The following MACROD2 variants were observed in gnomAD, a reference collection of about 807,000 sequenced individuals.
The protein encoded by MACROD2 is mono-ADP ribosylhydrolase 2, also known as ADP-ribose glycohydrolase MACROD2.
A neutral mutation model predicts 70.4 loss-of-function variants in MACROD2; 36 were observed. That is an observed-to-expected ratio of 0.51 (90% CI 0.39 to 0.68). MACROD2 has a LOEUF of 0.68. Ranked by LOEUF, MACROD2 falls within the 30% of genes least tolerant of loss-of-function variation. MACROD2 has a pLI of 0.00. For synonymous variants in MACROD2, 172 were observed against 178.8 expected (o/e 0.96, Z 0.30); for missense variants, 496 against 538.4 (o/e 0.92, Z 0.78).
chr20:15,618,938 A>G (rs1319955633), intron 8 of MACROD2, among the ~76,000 whole-genome samples: 2 of 152,198 alleles, frequency 1.3e-5, no homozygotes, highest in African/African-American at 4.8e-5. Flanking sequence ...GGGTGGAGGA[A>G]GGCCAGTGAG....
intron 2 of MACROD2, among the ~76,000 whole-genome samples, chr20:14,016,909 A>T (rs369977617): frequency 1.9e-4 from 29 of 152,226 alleles, no homozygotes; most frequent in African/African-American, 6.5e-4. Context: ...GATGCCGATT[A>T]TATTGAATCT....
Position 15,512,870 on chromosome 20 carries a change from T to G in MACROD2, c.645+13023T>G, listed in dbSNP as rs138490672. ...TTTTCTGCTGTTCAAAATTTTCCTCTGAAAACAATTAGAGGCTGATGGGGT... is the reference window on the plus strand; with the variant it reads ...TTTTCTGCTGTTCAAAATTTTCCTCGGAAAACAATTAGAGGCTGATGGGGT... On this transcript the variant is annotated intron_variant, in intron 8 of 17. Coordinates refer to ENST00000684519, the MANE Select transcript of MACROD2 (RefSeq NM_001351661.2). Among the ~76,000 whole-genome samples the G allele has an allele frequency of 2.8e-3, 431 of 152,312 alleles. 2 individuals are homozygous for G. Among genetic ancestry groups the G allele is most frequent in the African/African-American group, 9.9e-3 (413 of 41,580 alleles).
At chr20:15,657,076 A>T (rs888750162) in intron 8 of MACROD2, among the ~76,000 whole-genome samples, 1 of 152,154 alleles carries the variant, frequency 6.6e-6, no homozygotes, top group Non-Finnish European at 1.5e-5. Flanking sequence ...GCAGGCAAGT[A>T]AGAATGAAAA....
intron 4 of MACROD2, among the ~76,000 whole-genome samples, chr20:14,531,780 A>T (rs1166236061): frequency 6.6e-6 from 1 of 152,204 alleles, no homozygotes; most frequent in African/African-American, 2.4e-5. Context: ...TAAGCAGTCC[A>T]GTATCTCAGA....
At chr20:15,750,349 C>G (rs374757469) in intron 8 of MACROD2, among the ~76,000 whole-genome samples, 4 of 151,942 alleles carry the variant, frequency 2.6e-5, no homozygotes, top group African/African-American at 9.7e-5. Context: ...CTTTTTAAAA[C>G]CCACAAGTGT....
chr20:14,063,443 T>C (rs546866077), intron 2 of MACROD2, among the ~76,000 whole-genome samples: 16 of 152,330 alleles, frequency 1.1e-4, no homozygotes, highest in African/African-American at 3.8e-4. Flanking sequence ...TTATTGAAAC[T>C]GTTCTTGCCA....
intron 3 of MACROD2, among the ~76,000 whole-genome samples, chr20:14,283,187 C>A (rs2082319714): frequency 6.6e-6 from 1 of 152,154 alleles, no homozygotes; most frequent in Non-Finnish European, 1.5e-5. Context: ...TATACTATTG[C>A]AACTTCTGCT....
At chr20:15,478,288 A>G (rs1238568956) in intron 7 of MACROD2, among the ~76,000 whole-genome samples, 1 of 152,176 alleles carries the variant, frequency 6.6e-6, no homozygotes, top group East Asian at 1.9e-4. Context: ...CTTACTGGAT[A>G]AGGATTATTC....
intron 5 of MACROD2, among the ~76,000 whole-genome samples, chr20:15,207,277 TTGTC>T (rs1056730195): frequency 6.6e-6 from 1 of 152,106 alleles, no homozygotes; most frequent in African/African-American, 2.4e-5. Context: ...TAGTTTTCCT[TTGTC>T]TGAGAATGTC....
intron 8 of MACROD2, among the ~76,000 whole-genome samples, chr20:15,540,315 CAAGG>C (rs557947328): frequency 1.4e-4 from 21 of 152,222 alleles, no homozygotes; most frequent in African/African-American, 4.8e-4. Flanking sequence ...CTACAGTGTG[CAAGG>C]ATTTTTACTA....
intron 7 of MACROD2, among the ~76,000 whole-genome samples, chr20:15,459,115 G>A (rs1443881300): frequency 2.0e-5 from 3 of 152,130 alleles, no homozygotes; most frequent in Non-Finnish European, 4.4e-5. Flanking sequence ...AACATTTCTT[G>A]AGGGCATAAT....
At chr20:14,306,558 C>A (rs2082522571) in intron 3 of MACROD2, among the ~76,000 whole-genome samples, 1 of 151,952 alleles carries the variant, frequency 6.6e-6, no homozygotes, top group Admixed American at 6.6e-5. Flanking sequence ...CAGGATTATA[C>A]CTCACAGTAA....
intron 5 of MACROD2, among the ~76,000 whole-genome samples, chr20:15,049,484 G>A (rs374920551): frequency 1.3e-5 from 2 of 152,056 alleles, no homozygotes; most frequent in East Asian, 1.9e-4. Context: ...ATCAATATAT[G>A]TATGATTTTG....
chr20:14,657,029 A>T (rs1986011028), intron 4 of MACROD2, among the ~76,000 whole-genome samples: 1 of 152,008 alleles, frequency 6.6e-6, no homozygotes, highest in African/African-American at 2.4e-5. Context: ...GCACACACAG[A>T]CTCACACACT....
chr20:15,940,546 A>C (rs1297992721), intron 12 of MACROD2, among the ~76,000 whole-genome samples: 1 of 152,150 alleles, frequency 6.6e-6, no homozygotes, highest in Non-Finnish European at 1.5e-5. Context: ...AGCTACCTCA[A>C]CCTTGAGCAA....
chr20:14,545,649 A>G (rs1173923148), intron 4 of MACROD2, among the ~76,000 whole-genome samples: 1 of 152,230 alleles, frequency 6.6e-6, no homozygotes, highest in Non-Finnish European at 1.5e-5. Context: ...AAGATAGTGC[A>G]TTTCATAACA....
chr20:14,172,009 G>A (rs754910385), intron 3 of MACROD2, among the ~76,000 whole-genome samples: 104 of 152,014 alleles, frequency 6.8e-4, no homozygotes, highest in Non-Finnish European at 9.9e-4. Flanking sequence ...TTATAAATTC[G>A]GGAGCTGCCG....
chr20:15,856,399 T>C (rs904949656), intron 8 of MACROD2, among the ~76,000 whole-genome samples: 3 of 152,200 alleles, frequency 2.0e-5, no homozygotes, highest in Non-Finnish European at 4.4e-5. Flanking sequence ...TATATAGTGC[T>C]TTTGTTTTTC....
At chr20:15,440,204 T>TG (rs1412414654) in intron 7 of MACROD2, among the ~76,000 whole-genome samples, 2 of 152,152 alleles carry the variant, frequency 1.3e-5, no homozygotes, top group Non-Finnish European at 2.9e-5. Flanking sequence ...ATATTTTCCC[T>TG]GGAAAAAAAG....
Sources: allele counts gnomAD v4.1 joint callset (sites outside exome capture counted in the v4.1 genomes callset), GRCh38; gene constraint gnomAD v4.1.1; transcripts MANE v1.5; gene names NCBI Gene and HGNC (gene_info 2026-07-23, HGNC 2026-07-21).